The following STAU2 variants were observed in gnomAD, a reference collection of about 807,000 sequenced individuals.
STAU2 encodes the protein double-stranded RNA-binding protein Staufen homolog 2.
A neutral mutation model predicts 65.9 loss-of-function variants in STAU2; 20 were observed. That is an observed-to-expected ratio of 0.30 (90% confidence interval 0.21 to 0.44). The LOEUF (loss-of-function observed/expected upper bound fraction) is 0.44, where lower values mean the gene tolerates loss of function less well. STAU2 is among the 20% of genes least tolerant of loss of function. STAU2 has a pLI of 1.00. For missense variants in STAU2, 558 were observed against 683.9 expected (o/e 0.82, Z 2.05); for synonymous variants, 232 against 233.9 (o/e 0.99, Z 0.07).
chr8:73,516,321 G>T (rs926748870), intron 13 of STAU2, among the ~76,000 whole-genome samples: 1 of 149,440 alleles, frequency 6.7e-6, no homozygotes, highest in Non-Finnish European at 1.5e-5. Flanking sequence ...CATCTATGGA[G>T]GGTAACAGAA....
intron 13 of STAU2, among the ~76,000 whole-genome samples, chr8:73,536,530 A>G (rs1207266490): frequency 1.3e-5 from 2 of 152,186 alleles, no homozygotes; most frequent in African/African-American, 4.8e-5. Context: ...ACCTTACCAG[A>G]CTGTAATGAG....
intron 6 of STAU2, among the ~76,000 whole-genome samples, chr8:73,668,287 G>A (rs1817384592): frequency 6.6e-6 from 1 of 152,078 alleles, no homozygotes; most frequent in African/African-American, 2.4e-5. Context: ...AAATGAGGAA[G>A]AACAACACTA....
At chr8:73,587,292 T>A (rs551360426) in intron 11 of STAU2, among the ~76,000 whole-genome samples, 5 of 152,102 alleles carry the variant, frequency 3.3e-5, no homozygotes, top group African/African-American at 1.2e-4. Context: ...AAAAAAAAAG[T>A]TTACTTCCCA....
rs370312465 is a variant in STAU2 at position 73,491,691 on chromosome 8, A to G, written c.1530+60321T>C. On this transcript the variant is annotated intron_variant, in intron 13 of 14. Coordinates refer to ENST00000524300, the MANE Select transcript of STAU2 (RefSeq NM_001164380.2). ...AGAAACCTGGAACAGATTCAATCAA[A>G]TAATTATAGGACAGTAAAGAACCTT... is the stretch of plus-strand genomic sequence containing the variant. 7.0e-4 allele frequency among the ~76,000 whole-genome samples: 107 copies of G among 152,112 alleles called. 1 individual carries two copies. The South Asian group carries it at 0.021, about 30-fold the overall frequency.
At chr8:73,700,979 T>C (rs114015228) in intron 4 of STAU2, among the ~76,000 whole-genome samples, 1,920 of 152,130 alleles carry the variant, frequency 0.013, 43 homozygotes, top group African/African-American at 0.044. Context: ...ACACCTACGA[T>C]GAACTCATTT....
At chr8:73,712,905 C>T (rs1405388828) in intron 3 of STAU2, among the ~76,000 whole-genome samples, 20 of 152,164 alleles carry the variant, frequency 1.3e-4, no homozygotes. Flanking sequence ...GCAATCCAGC[C>T]TGGGTGACAG....
rs1816343493 is a variant in STAU2 at position 73,421,056 on chromosome 8, T to C, written c.*316A>G. The C allele has an allele frequency of 8.1e-6, 2 of 245,860 alleles. No homozygotes were observed. The highest frequency in any genetic ancestry group is 1.6e-5 in the Non-Finnish European group (2 of 128,302). The allele number at this position is 245,860 out of a possible 1,614,324, so 15.2% of individuals were successfully genotyped here. A position where few individuals can be genotyped will look rare whatever the true frequency, so the allele number is the denominator to read the frequency against. On this transcript the variant is annotated 3_prime_UTR_variant, in exon 15 of 15. Coordinates refer to ENST00000524300, the MANE Select transcript of STAU2 (RefSeq NM_001164380.2). Reference sequence around the variant, plus strand: ...AACCCAACTTCTCTATTATTAATCATGTTAAAATTTTAGCTTTGTTTCTAA... The same window carrying C: ...AACCCAACTTCTCTATTATTAATCACGTTAAAATTTTAGCTTTGTTTCTAA...
In STAU2 at chr8:73,440,465, T is replaced by C. The variant is rs547753274; in HGVS notation, c.1531-17763A>G. 3.2e-4 allele frequency: 48 copies of C among 152,344 alleles called. 1 individual carries two copies. The highest frequency in any genetic ancestry group is 1.2e-3 in the African/African-American group (48 of 41,578). 9.4% of individuals were successfully genotyped at this position (152,344 alleles called of 1,614,324 possible). A position where few individuals can be genotyped will look rare whatever the true frequency, so the allele number is the denominator to read the frequency against. On this transcript the variant is annotated intron_variant, in intron 13 of 14. Coordinates refer to ENST00000524300, the MANE Select transcript of STAU2 (RefSeq NM_001164380.2). ...CCACCAGTTGCTCAGGCAAAAACCC[T>C]AGCAATCAGCCTCACTTGCTTTCAT... is the stretch of plus-strand genomic sequence containing the variant.
intron 13 of STAU2, among the ~76,000 whole-genome samples, chr8:73,534,217 A>G (rs1806031768): frequency 6.6e-6 from 1 of 152,218 alleles, no homozygotes; most frequent in Admixed American, 6.5e-5. Flanking sequence ...ACAGGCAGCA[A>G]GGAGCTGAAG....
chr8:73,663,800 T>G (rs1191632797), intron 6 of STAU2, among the ~76,000 whole-genome samples: 1 of 152,208 alleles, frequency 6.6e-6, no homozygotes, highest in East Asian at 1.9e-4. Context: ...TCTCTGAATA[T>G]GTTTTCACGC....
At chr8:73,569,947 A>C (rs1338842746) in intron 12 of STAU2, among the ~76,000 whole-genome samples, 1 of 152,242 alleles carries the variant, frequency 6.6e-6, no homozygotes, top group East Asian at 1.9e-4. Context: ...AACGGAAAAA[A>C]GCTGGATGGA....
At chr8:73,429,920 T>C (rs1213982020) in intron 13 of STAU2, among the ~76,000 whole-genome samples, 3 of 152,350 alleles carry the variant, frequency 2.0e-5, no homozygotes, top group African/African-American at 7.2e-5. Context: ...GATTGTTTTG[T>C]GGGGAGCACA....
intron 6 of STAU2, among the ~76,000 whole-genome samples, chr8:73,637,476 G>GAAAAAAAAAAAA (rs1814615511): frequency 3.3e-4 from 1 of 3,012 alleles, no homozygotes; most frequent in African/African-American, 1.2e-3. Flanking sequence ...AGTGCTGAAA[G>GAAAAAAAAAAAA]TAAAAAAAAA....
At chr8:73,483,979 G>C (rs1820781732) in intron 13 of STAU2, among the ~76,000 whole-genome samples, 1 of 152,154 alleles carries the variant, frequency 6.6e-6, no homozygotes, top group Non-Finnish European at 1.5e-5. Flanking sequence ...GCGTCAGGAA[G>C]GGAGCATTTT....
intron 13 of STAU2, among the ~76,000 whole-genome samples, chr8:73,510,836 T>C (rs1359724207): frequency 6.6e-6 from 1 of 152,226 alleles, no homozygotes; most frequent in Middle Eastern, 3.2e-3. Flanking sequence ...GTGGGGATTA[T>C]AGAAACTACA....
chr8:73,693,344 A>G (rs12542400), intron 4 of STAU2, among the ~76,000 whole-genome samples: 138,995 of 151,736 alleles, frequency 0.92, 63,836 homozygotes, highest in East Asian at 0.97. Flanking sequence ...GCGTGGTAGC[A>G]GGTGCCTGTA....
chr8:73,626,718 G>C (rs922069683), intron 6 of STAU2, among the ~76,000 whole-genome samples: 1 of 152,216 alleles, frequency 6.6e-6, no homozygotes, highest in Non-Finnish European at 1.5e-5. Context: ...CTGCAGCAGA[G>C]TCAGAGGAGC....
At chr8:73,583,625 T>C (rs1179853227) in intron 11 of STAU2, among the ~76,000 whole-genome samples, 2 of 151,448 alleles carry the variant, frequency 1.3e-5, no homozygotes, top group Non-Finnish European at 1.5e-5. Flanking sequence ...CACCAAATAC[T>C]GCTATAATGA....
intron 10 of STAU2, among the ~76,000 whole-genome samples, chr8:73,599,934 A>AT (rs374759900): frequency 2.6e-5 from 4 of 151,944 alleles, no homozygotes; most frequent in African/African-American, 9.7e-5. Context: ...TGTCCGGCTA[A>AT]TTTTTTTGTA....
Sources: gnomAD v4.1 joint callset for allele counts (sites outside exome capture counted in the v4.1 genomes callset) on GRCh38, gnomAD v4.1.1 for gene constraint, MANE v1.5 for transcripts, NCBI Gene and HGNC (gene_info 2026-07-23, HGNC 2026-07-21) for gene names.